Variants in KIF26B observed in about 807,000 individuals in gnomAD.
KIF26B encodes the protein kinesin-like protein KIF26B.
Under a neutral mutation model 151.2 loss-of-function variants are expected in KIF26B, and 63 were observed. The ratio of observed to expected loss-of-function variants is 0.42; its 90% CI spans 0.34 to 0.51. The LOEUF is 0.51. KIF26B is among the 20% of genes least tolerant of loss of function. KIF26B has a pLI of 0.07. For missense variants in KIF26B, 2,813 were observed against 2,913.6 expected (o/e 0.97, Z 0.79); for synonymous variants, 1,357 against 1,262.1 (o/e 1.08, Z -1.59).
At chr1:245,537,115 G>A (rs1398582970) in intron 4 of KIF26B, among the ~76,000 whole-genome samples, 1 of 152,202 alleles carries the variant, frequency 6.6e-6, no homozygotes, top group Non-Finnish European at 1.5e-5. Flanking sequence ...TGTCTGCCAT[G>A]ATGGGCAAGG....
At chr1:245,169,328 G>GGTGTGTGGGT (rs56332945) in intron 2 of KIF26B, among the ~76,000 whole-genome samples, 17,776 of 133,826 alleles carry the variant, frequency 0.13, 1,100 homozygotes, top group African/African-American at 0.18. Flanking sequence ...AACGGGCCAT[G>GGTGTGTGGGT]GTGTGTGTGT....
At chr1:245,672,487 A>G (rs1209221806) in intron 10 of KIF26B, among the ~76,000 whole-genome samples, 1 of 152,214 alleles carries the variant, frequency 6.6e-6, no homozygotes, top group African/African-American at 2.4e-5. Flanking sequence ...GCCTGGCCTA[A>G]TGAGCTGGTT....
intron 10 of KIF26B, among the ~76,000 whole-genome samples, chr1:245,648,365 A>G (rs1281720975): frequency 6.6e-6 from 1 of 152,120 alleles, no homozygotes; most frequent in Non-Finnish European, 1.5e-5. Context: ...AATTGTTTTT[A>G]TGGCCCAGCG....
chr1:245,702,083 A>AGG lies in KIF26B; in HGVS notation c.6179-373_6179-372dup, dbSNP rs2044779445. Among the ~76,000 whole-genome samples, 1 of 148,226 alleles carries AGG rather than the reference A, an allele frequency of 6.7e-6. No individual in the cohort carries two copies. Among genetic ancestry groups the AGG allele is most frequent in the Non-Finnish European group, 1.5e-5 (1 of 67,370 alleles). On this transcript the variant is annotated intron_variant, in intron 14 of 14. Coordinates refer to ENST00000407071, the MANE Select transcript of KIF26B (RefSeq NM_018012.4). The surrounding 1 kb of genome is among the most constrained non-coding windows in gnomAD (Gnocchi z 4.1). ...CACTCAACTGAGACCCCCAAAAGGG[A>AGG]GGGACTCTCCCCACCTCAACTTGAA...
intron 3 of KIF26B, among the ~76,000 whole-genome samples, chr1:245,378,591 T>C (rs758177930): frequency 1.3e-5 from 2 of 152,110 alleles, no homozygotes; most frequent in Non-Finnish European, 2.9e-5. Context: ...TTCACTTTCC[T>C]ATGGGTTGAA....
chr1:245,270,202 TTC>T (rs1358055773), intron 2 of KIF26B, among the ~76,000 whole-genome samples: 1 of 109,702 alleles, frequency 9.1e-6, no homozygotes, highest in African/African-American at 3.5e-5. Context: ...TTCTTTTCCC[TTC>T]CCTTTCTTCT....
At chr1:245,322,220 G>C (rs1290581887) in intron 2 of KIF26B, among the ~76,000 whole-genome samples, 1 of 152,140 alleles carries the variant, frequency 6.6e-6, no homozygotes, top group South Asian at 2.1e-4. Context: ...CGGGGCCTGT[G>C]GGGGATGGGG....
intron 2 of KIF26B, among the ~76,000 whole-genome samples, chr1:245,344,403 G>C (rs1203166370): frequency 2.0e-5 from 3 of 150,472 alleles, no homozygotes; most frequent in African/African-American, 7.3e-5. Context: ...GCTGAGGCAG[G>C]AGAGTGGCGT....
chr1:245,506,379 C>G (rs1286220694), intron 4 of KIF26B, among the ~76,000 whole-genome samples: 1 of 152,126 alleles, frequency 6.6e-6, no homozygotes, highest in South Asian at 2.1e-4. Context: ...TTGTCCAAAC[C>G]CCTTCAGGAA....
rs775400586 is a variant in KIF26B at position 245,166,694 on chromosome 1, A to G, written c.465+10011A>G. On this transcript the variant is annotated intron_variant, in intron 2 of 14. Coordinates refer to ENST00000407071, the MANE Select transcript of KIF26B (RefSeq NM_018012.4). This position sits in a 1 kb window ranked among gnomAD's most constrained non-coding sequence, Gnocchi z 4.5. ...GGAATTTGGGCTTATCTGCCTTCCA[A>G]TCCAGCTTTATCTGTCTCAGACGGT... Among the ~76,000 whole-genome samples the G allele has an allele frequency of 4.6e-5, 7 of 152,178 alleles. No individual in the cohort carries two copies. Among genetic ancestry groups the G allele is most frequent in the Admixed American group, 6.5e-5 (1 of 15,280 alleles).
rs1669466300 is a variant in KIF26B at position 245,209,345 on chromosome 1, G to A, written c.465+52662G>A. The stretch of plus-strand genomic sequence containing the variant: ...GAACCCGGGAGGCGGAGGTTGCAGT[G>A]AGCTGAGATCATGCCACTGCACTCC... On this transcript the variant is annotated intron_variant, in intron 2 of 14. Transcript: ENST00000407071. Among the ~76,000 whole-genome samples, 3 of 152,068 alleles carry A rather than the reference G, an allele frequency of 2.0e-5. No homozygotes were observed. The South Asian group carries it at 6.2e-4, about 32-fold the overall frequency.
chr1:245,222,933 T>G (rs1342251310), intron 2 of KIF26B, among the ~76,000 whole-genome samples: 1 of 152,250 alleles, frequency 6.6e-6, no homozygotes, highest in Non-Finnish European at 1.5e-5. Context: ...AGTACCTGTA[T>G]GCCCATCATC....
At position 245,540,669 on chromosome 1, in the gene KIF26B, T is replaced by C; in HGVS notation, c.1167-98T>C. The stretch of plus-strand genomic sequence containing the variant: ...GGAGGAGAGAAGGAATGATTAGGCC[T>C]CAGAAAGAACGAGGGGTTGTTTAAG... On this transcript the variant is annotated intron_variant, in intron 4 of 14. Coordinates refer to ENST00000407071, the MANE Select transcript of KIF26B (RefSeq NM_018012.4). This position sits in a 1 kb window ranked among gnomAD's most constrained non-coding sequence, Gnocchi z 4.6. The C allele has an allele frequency of 9.3e-7, 1 of 1,080,208 alleles. No individual in the cohort carries two copies. Among genetic ancestry groups the C allele is most frequent in the South Asian group, 1.2e-5 (1 of 80,134 alleles). The allele number at this position is 1,080,208 out of a possible 1,614,324, so 66.9% of individuals were successfully genotyped here. A position where few individuals can be genotyped will look rare whatever the true frequency, so the allele number is the denominator to read the frequency against.
chr1:245,596,370 A>G (rs965843620), intron 5 of KIF26B, among the ~76,000 whole-genome samples: 2 of 152,186 alleles, frequency 1.3e-5, no homozygotes, highest in African/African-American at 4.8e-5. Context: ...CTTTGTGCTC[A>G]TTGGTTTCAA....
rs73127009 is a variant in KIF26B at position 245,686,440 on chromosome 1, G to A, written c.3457G>A (p.Asp1153Asn). The stretch of plus-strand genomic sequence containing the variant: ...CGAAGGGTTCCCGGAAACTCCTGTC[G>A]ATGATGAGCAGCAGGCAGCTACTCC... ...GSEGFPETPV[D>N]DEQQAATPSE... The change falls in exon 12 of 15, where the codon GAT becomes AAT. Residue 1153 changes from aspartate (D) to asparagine (N), a missense_variant. Around this residue, in one of 3 missense-constraint regions of KIF26B, gnomAD observed 2,060 missense variants for 2,088.6 expected, o/e 0.99. Coordinates refer to ENST00000407071, the MANE Select transcript of KIF26B (RefSeq NM_018012.4). The surrounding 1 kb of genome is among the most constrained non-coding windows in gnomAD (Gnocchi z 5.6). The A allele has an allele frequency of 3.3e-4, 538 of 1,613,374 alleles. 1 individual carries two copies. In the African/African-American group the frequency reaches 5.5e-3, roughly 17 times the overall value.
Position 245,265,167 on chromosome 1 carries a change from A to C in KIF26B, c.466-101667A>C, listed in dbSNP as rs115429955. 3.1e-3 allele frequency among the ~76,000 whole-genome samples: 465 copies of C among 147,908 alleles called. 3 individuals carry two copies. Among genetic ancestry groups the C allele is most frequent in the African/African-American group, 0.011 (435 of 40,040 alleles). ...CAGTGAGTGGAGATCTTGCCACTGC[A>C]TTCCAGTCTGGGTGACACAGTGAGA... On this transcript the variant is annotated intron_variant, in intron 2 of 14. Coordinates refer to ENST00000407071, the MANE Select transcript of KIF26B (RefSeq NM_018012.4).
rs558488287 is a variant in KIF26B, at chr1:245,160,776, G to A, written c.465+4093G>A. Among the ~76,000 whole-genome samples, 10 of 152,254 alleles carry A rather than the reference G, an allele frequency of 6.6e-5. No homozygotes were observed. In the South Asian group the frequency reaches 2.1e-3, roughly 32 times the overall value. On this transcript the variant is annotated intron_variant, in intron 2 of 14. Transcript: ENST00000407071. Reference sequence around the variant, plus strand: ...CAGACATACTGAGAAGGGTGGCCAGGAATCACAGAGATGAAAGAAAGGAAT... The same window carrying A: ...CAGACATACTGAGAAGGGTGGCCAGAAATCACAGAGATGAAAGAAAGGAAT...
At chr1:245,700,016 G>A (rs940840830) in intron 14 of KIF26B, among the ~76,000 whole-genome samples, 1 of 152,224 alleles carries the variant, frequency 6.6e-6, no homozygotes, top group African/African-American at 2.4e-5. Flanking sequence ...CTGCAGTCTC[G>A]CAGCAGCTGC....
intron 2 of KIF26B, among the ~76,000 whole-genome samples, chr1:245,160,807 A>T (rs749576356): frequency 9.2e-5 from 14 of 152,208 alleles, no homozygotes; most frequent in Non-Finnish European, 1.3e-4. Context: ...GGAATGCGTC[A>T]TAGGGGTTAA....
Sources: gnomAD v4.1 joint callset for allele counts (sites outside exome capture counted in the v4.1 genomes callset) on GRCh38, gnomAD v4.1.1 for gene constraint, gnomAD v4.1.1 regional missense constraint, Gnocchi (gnomAD v3.1) non-coding constraint, MANE v1.5 for transcripts, NCBI Gene and HGNC (gene_info 2026-07-23, HGNC 2026-07-21) for gene names.